The following UNC13B variants were observed in gnomAD, a reference collection of about 807,000 sequenced individuals.
UNC13B encodes the protein unc-13 homolog B, also known as protein unc-13 homolog B.
Under a neutral mutation model 211.0 loss-of-function variants are expected in UNC13B, and 144 were observed. The ratio of observed to expected loss-of-function variants is 0.68; its 90% CI spans 0.60 to 0.78. The LOEUF is 0.78. UNC13B is among the 30% of genes least tolerant of loss of function. The pLI, the probability that UNC13B is intolerant of heterozygous loss-of-function variation, is 0.00. For synonymous variants in UNC13B, 709 were observed against 725.8 expected (o/e 0.98, Z 0.37); for missense variants, 1,777 against 2,002.0 (o/e 0.89, Z 2.14).
At chr9:35,325,147 C>T (rs1188152505) in intron 11 of UNC13B, among the ~76,000 whole-genome samples, 2 of 152,166 alleles carry the variant, frequency 1.3e-5, no homozygotes, top group Non-Finnish European at 2.9e-5. Flanking sequence ...GATGAGGTAA[C>T]TATCTTATGC....
intron 7 of UNC13B, among the ~76,000 whole-genome samples, chr9:35,265,408 C>T (rs1827509412): frequency 6.6e-6 from 1 of 152,180 alleles, no homozygotes; most frequent in Non-Finnish European, 1.5e-5. Flanking sequence ...AGAAACCAAA[C>T]CTTATGGGAA....
chr9:35,165,114 G>C (rs4878606), intron 1 of UNC13B, among the ~76,000 whole-genome samples: 151,604 of 152,336 alleles, frequency 1, 75,440 homozygotes, highest in Middle Eastern at 1. Context: ...AAATTTAGTT[G>C]TAGAAGATTT....
chr9:35,231,677 G>T (rs1189803438), intron 3 of UNC13B, among the ~76,000 whole-genome samples: 1 of 152,162 alleles, frequency 6.6e-6, no homozygotes, highest in Non-Finnish European at 1.5e-5. Context: ...AGAGGCTGAA[G>T]ATTTCTGTGC....
chr9:35,307,377 A>T lies in UNC13B; in HGVS notation c.7973A>T (p.Asp2658Val), dbSNP rs540646812. The change falls in exon 9 of 40, where the codon GAT (aspartate) becomes GTT (valine). Residue 2658 changes from aspartate to valine, a missense_variant. Physicochemically the swap from Asp to Val is radical, Grantham distance 152. Coordinates refer to ENST00000635942, the MANE Select transcript of UNC13B (RefSeq NM_001371189.2). ...NFALPAQLHP[D>V]PTCIAEELPP... is the part of the protein sequence containing the mutation. Reference sequence around the variant, plus strand: ...GCGCTGCCAGCACAGTTGCATCCAGATCCTACCTGCATTGCCGAAGAGCTT... The same window carrying T: ...GCGCTGCCAGCACAGTTGCATCCAGTTCCTACCTGCATTGCCGAAGAGCTT... 3 of 398,968 alleles carry T rather than the reference A, an allele frequency of 7.5e-6. No homozygotes were observed. The highest frequency in any genetic ancestry group is 1.3e-5 in the Non-Finnish European group (3 of 226,098). 24.7% of individuals were successfully genotyped at this position (398,968 alleles called of 1,614,324 possible).
chr9:35,291,350 A>T (rs1829090254), intron 7 of UNC13B, among the ~76,000 whole-genome samples: 1 of 152,198 alleles, frequency 6.6e-6, no homozygotes, highest in Non-Finnish European at 1.5e-5. Flanking sequence ...AATCCTGACA[A>T]GATCTCCTAA....
intron 1 of UNC13B, among the ~76,000 whole-genome samples, chr9:35,192,464 G>C (rs1255559573): frequency 2.0e-5 from 3 of 152,214 alleles, no homozygotes; most frequent in East Asian, 1.9e-4. Context: ...ATCCCTTCAT[G>C]AGAGGTTAAA....
intron 6 of UNC13B, among the ~76,000 whole-genome samples, chr9:35,244,711 T>C (rs1324773176): frequency 6.6e-6 from 1 of 152,210 alleles, no homozygotes; most frequent in Non-Finnish European, 1.5e-5. Flanking sequence ...AATTTCCATT[T>C]TTCTTGTAAG....
At chr9:35,163,171 T>C (rs1364534948) in intron 1 of UNC13B, among the ~76,000 whole-genome samples, 12 of 152,242 alleles carry the variant, frequency 7.9e-5, no homozygotes, top group Non-Finnish European at 8.8e-5. Context: ...GATTAGCCAT[T>C]GAATTTGATC....
At chr9:35,295,188 C>T (rs1042544236) in intron 7 of UNC13B, among the ~76,000 whole-genome samples, 3 of 152,102 alleles carry the variant, frequency 2.0e-5, no homozygotes, top group Non-Finnish European at 4.4e-5. Context: ...GGACCAGCTT[C>T]TGATGTTAGA....
chr9:35,230,979 G>T, intron 2 of UNC13B, 141 bp from the exon 3 acceptor site: 1 of 528,692 alleles, frequency 1.9e-6, no homozygotes, highest in Non-Finnish European at 3.3e-6. Flanking sequence ...TCTTGAATGA[G>T]GCTATGTTGT....
At chr9:35,323,955 A>G (rs541299150) in intron 11 of UNC13B, among the ~76,000 whole-genome samples, 9 of 152,334 alleles carry the variant, frequency 5.9e-5, no homozygotes, top group Admixed American at 4.6e-4. Context: ...TAATAATAAT[A>G]TCATTATAGT....
rs925767658 is a variant in UNC13B, at chr9:35,404,655, A to G, written c.*622A>G. On this transcript the variant is annotated 3_prime_UTR_variant, in exon 40 of 40. Transcript: ENST00000635942. ...CTAATCCCTTTCCCCAGATTGTATC[A>G]TGAGTAGAATCAGGTTCACGTGGTG... The G allele has an allele frequency of 3.9e-5, 6 of 152,936 alleles. No individual in the cohort carries two copies. Among genetic ancestry groups the G allele is most frequent in the African/African-American group, 1.4e-4 (6 of 41,578 alleles). 9.5% of individuals were successfully genotyped at this position (152,936 alleles called of 1,614,324 possible).
rs199665477 is a variant in UNC13B, at chr9:35,283,370, ACATT to A, written c.527-12325_527-12322del. On this transcript the variant is annotated intron_variant, in intron 7 of 39. Coordinates refer to ENST00000635942, the MANE Select transcript of UNC13B (RefSeq NM_001371189.2). Reference sequence around the variant, plus strand: ...GGAATCATTGGGTTAAAGAATATATACATTTATAATTTTGTTAGACACTATCAAA... The same window carrying A: ...GGAATCATTGGGTTAAAGAATATATATATAATTTTGTTAGACACTATCAAA... Among the ~76,000 whole-genome samples, 30 of 152,304 alleles carry A rather than the reference ACATT, an allele frequency of 2.0e-4. No homozygotes were observed. The East Asian group carries it at 4.8e-3, about 24-fold the overall frequency.
intron 3 of UNC13B, among the ~76,000 whole-genome samples, chr9:35,235,797 G>A (rs1417998798): frequency 6.6e-6 from 1 of 152,212 alleles, no homozygotes; most frequent in East Asian, 1.9e-4. Context: ...TGTAGTTTAA[G>A]TTGAAGCAGT....
intron 24 of UNC13B, among the ~76,000 whole-genome samples, chr9:35,386,649 G>A (rs1305251268): frequency 6.6e-6 from 1 of 152,068 alleles, no homozygotes; most frequent in East Asian, 1.9e-4. Context: ...ACTCTTGTAA[G>A]TTCTGGGCTT....
At chr9:35,277,529 GA>G (rs1235071095) in intron 7 of UNC13B, among the ~76,000 whole-genome samples, 1 of 151,978 alleles carries the variant, frequency 6.6e-6, no homozygotes, top group East Asian at 1.9e-4. Flanking sequence ...CAGCATTACA[GA>G]AAAGAAATCC....
chr9:35,257,403 T>TATATAAATATTTATAAAAA (rs1826981814), intron 6 of UNC13B, among the ~76,000 whole-genome samples: 4 of 95,488 alleles, frequency 4.2e-5, no homozygotes, highest in African/African-American at 1.8e-4. Flanking sequence ...TAAAAATATT[T>TATATAAATATTTATAAAAA]ATATAAATAT....
chr9:35,377,474 C>A lies in UNC13B; in HGVS notation c.9842C>A (p.Ala3281Glu). ...TGTTCCTGGCCACCTTCAGGGGCTG[C>A]AGAAAAGAGCTGTAAACATGGAGCT... ...LLNADCLQRA[A>E]EKSCKHGAED... The change falls in exon 16 of 40, where the codon GCA (alanine) becomes GAA (glutamate). Residue 3281 changes from alanine to glutamate, a missense_variant. Transcript: ENST00000635942. 1.2e-6 allele frequency: 2 copies of A among 1,614,146 alleles called. No individual in the cohort carries two copies. The highest frequency in any genetic ancestry group is 1.7e-6 in the Non-Finnish European group (2 of 1,180,022).
At position 35,306,648 on chromosome 9, in the gene UNC13B, A is replaced by G. The variant is rs1225206956; in HGVS notation, c.7244A>G (p.Asp2415Gly). 1 of 398,972 alleles carries G rather than the reference A, an allele frequency of 2.5e-6. No individual in the cohort carries two copies. The highest frequency in any genetic ancestry group is 4.4e-6 in the Non-Finnish European group (1 of 226,090). The allele number at this position is 398,972 out of a possible 1,614,324, so 24.7% of individuals were successfully genotyped here. Residue 2415 changes from aspartate to glycine, a missense_variant, in exon 9 of 40, where the codon GAT becomes GGT. By Grantham distance (94) the Asp-to-Gly change is moderately conservative (BLOSUM62 -1). Coordinates refer to ENST00000635942, the MANE Select transcript of UNC13B (RefSeq NM_001371189.2). The part of the protein sequence containing the change: ...PVNLPLEKAP[D>G]EVLPQILEPA... ...AACTTGCCATTAGAAAAGGCCCCCG[A>G]TGAGGTCTTACCACAGATCCTAGAG...
Sources: allele counts gnomAD v4.1 joint callset (sites outside exome capture counted in the v4.1 genomes callset), GRCh38; gene constraint gnomAD v4.1.1; transcripts MANE v1.5; gene names NCBI Gene and HGNC (gene_info 2026-07-23, HGNC 2026-07-21).